The following ARHGAP15 variants were observed in gnomAD, a reference collection of about 807,000 sequenced individuals.
The protein encoded by ARHGAP15 is rho GTPase-activating protein 15.
In ARHGAP15, 51 loss-of-function variants were observed where a neutral mutation model predicts 63.7. That is an observed-to-expected ratio of 0.80 (90% confidence interval 0.64 to 1.01). ARHGAP15 has a LOEUF of 1.01. ARHGAP15 is among the 50% of genes least tolerant of loss of function. ARHGAP15 has a pLI of 0.00. For missense variants in ARHGAP15, 560 were observed against 564.6 expected, an observed-to-expected ratio of 0.99 and a Z score of 0.08; for synonymous variants, 191 against 193.8, an observed-to-expected ratio of 0.99 and a Z score of 0.12.
At chr2:143,467,579 C>T (rs903423992) in intron 8 of ARHGAP15, among the ~76,000 whole-genome samples, 6 of 151,840 alleles carry the variant, frequency 4.0e-5, no homozygotes, top group Non-Finnish European at 8.8e-5. Flanking sequence ...ACCCAGGTAC[C>T]CAAAACTATT....
chr2:143,746,652 C>T (rs1324667977), intron 13 of ARHGAP15, among the ~76,000 whole-genome samples: 2 of 152,188 alleles, frequency 1.3e-5, no homozygotes, highest in African/African-American at 4.8e-5. Flanking sequence ...CTGAAGGTAA[C>T]ATATCACCTA....
rs1681969792 is a variant in ARHGAP15, at chr2:143,283,786, GGTCTGTCTT to G, written c.474+33192_474+33200del. 2.0e-5 allele frequency among the ~76,000 whole-genome samples: 3 copies of G among 152,010 alleles called. No individual in the cohort carries two copies. The South Asian group carries it at 6.2e-4, about 32-fold the overall frequency. On this transcript the variant is annotated intron_variant, in intron 6 of 13. Coordinates refer to ENST00000295095, the MANE Select transcript of ARHGAP15 (RefSeq NM_018460.4). ...TCTTCAAACTTTGTCTTTCTATCCA[GGTCTGTCTT>G]GTCTGCCTGAATTGTAACTGTGAAT...
chr2:143,721,944 C>T (rs910828564), intron 13 of ARHGAP15, among the ~76,000 whole-genome samples: 3 of 152,196 alleles, frequency 2.0e-5, no homozygotes, highest in African/African-American at 4.8e-5. Context: ...GCCTCGGCCT[C>T]GGCCTCCCAA....
chr2:143,214,917 A>C (rs1692690395), intron 3 of ARHGAP15, among the ~76,000 whole-genome samples: 1 of 152,182 alleles, frequency 6.6e-6, no homozygotes, highest in Non-Finnish European at 1.5e-5. Flanking sequence ...ATTGAAGATA[A>C]ATTTCTTGGC....
chr2:143,457,052 A>G (rs923692067), intron 8 of ARHGAP15, among the ~76,000 whole-genome samples: 5 of 152,146 alleles, frequency 3.3e-5, no homozygotes, highest in Admixed American at 6.6e-5. Context: ...TTTTACAATT[A>G]GTGTGATTAT....
At chr2:143,385,125 G>T (rs1687222477) in intron 6 of ARHGAP15, among the ~76,000 whole-genome samples, 1 of 151,940 alleles carries the variant, frequency 6.6e-6, no homozygotes, top group Non-Finnish European at 1.5e-5. Flanking sequence ...AAACCACAGT[G>T]AGGGAATAGA....
intron 6 of ARHGAP15, among the ~76,000 whole-genome samples, chr2:143,267,898 T>C (rs957274057): frequency 2.6e-5 from 4 of 152,118 alleles, no homozygotes; most frequent in Admixed American, 2.0e-4. Context: ...CATGTGGGCA[T>C]GTATACTAAA....
At chr2:143,183,149 C>T (rs1305713018) in intron 2 of ARHGAP15, among the ~76,000 whole-genome samples, 1 of 152,176 alleles carries the variant, frequency 6.6e-6, no homozygotes, top group Non-Finnish European at 1.5e-5. Context: ...AATATGTATT[C>T]TCTCAAGATA....
At chr2:143,661,722 G>A (rs548869654) in intron 12 of ARHGAP15, among the ~76,000 whole-genome samples, 230 of 152,340 alleles carry the variant, frequency 1.5e-3, no homozygotes, top group Non-Finnish European at 2.0e-3. Context: ...TGCGCACACC[G>A]TGCGTGAGCC....
At chr2:143,525,889 T>G (rs556475577) in intron 10 of ARHGAP15, among the ~76,000 whole-genome samples, 2 of 152,266 alleles carry the variant, frequency 1.3e-5, no homozygotes, top group East Asian at 3.9e-4. Flanking sequence ...GGGGAAAAGC[T>G]GCATTTTGCA....
At chr2:143,232,487 T>C (rs1693485363) in intron 5 of ARHGAP15, among the ~76,000 whole-genome samples, 2 of 152,234 alleles carry the variant, frequency 1.3e-5, no homozygotes, top group South Asian at 2.1e-4. Flanking sequence ...ATATTTTTAA[T>C]GTATTTTTAT....
intron 12 of ARHGAP15, among the ~76,000 whole-genome samples, chr2:143,672,126 A>G (rs1204129574): frequency 1.3e-5 from 2 of 152,232 alleles, no homozygotes; most frequent in Non-Finnish European, 2.9e-5. Context: ...TTTTACCTAC[A>G]TAAAGGTAGA....
intron 11 of ARHGAP15, among the ~76,000 whole-genome samples, chr2:143,574,717 C>G (rs1025639582): frequency 2.0e-5 from 3 of 152,050 alleles, no homozygotes; most frequent in African/African-American, 7.2e-5. Context: ...CTTGGCCATG[C>G]CCCCATTAGC....
intron 12 of ARHGAP15, among the ~76,000 whole-genome samples, chr2:143,683,829 A>G (rs1683208608): frequency 1.3e-5 from 2 of 152,188 alleles, no homozygotes; most frequent in Admixed American, 6.6e-5. Flanking sequence ...TTTGTTTTTC[A>G]TTAACTAAAA....
chr2:143,492,786 G>A (rs1692642042), intron 9 of ARHGAP15, among the ~76,000 whole-genome samples: 1 of 150,792 alleles, frequency 6.6e-6, no homozygotes, highest in Non-Finnish European at 1.5e-5. Context: ...TCCGGGCGTG[G>A]TGGCTCACGC....
At chr2:143,698,100 C>T (rs1412721623) in intron 12 of ARHGAP15, among the ~76,000 whole-genome samples, 1 of 152,092 alleles carries the variant, frequency 6.6e-6, no homozygotes, top group Admixed American at 6.6e-5. Context: ...ATATTACTCC[C>T]TATACATTGA....
At position 143,500,596 on chromosome 2, in the gene ARHGAP15, C is replaced by G. The variant is rs190572159; in HGVS notation, c.826+13101C>G. Among the ~76,000 whole-genome samples, 276 of 152,224 alleles carry G rather than the reference C, an allele frequency of 1.8e-3. 1 individual carries two copies. Among genetic ancestry groups the G allele is most frequent in the Non-Finnish European group, 3.1e-3 (212 of 68,002 alleles). Reference sequence around the variant, plus strand: ...TAAAACAAAATAAGCCACAAATATCCTGGTCAATGTTTACAAGAAAATGTG... The same window carrying G: ...TAAAACAAAATAAGCCACAAATATCGTGGTCAATGTTTACAAGAAAATGTG... On this transcript the variant is annotated intron_variant, in intron 9 of 13. Coordinates refer to ENST00000295095, the MANE Select transcript of ARHGAP15 (RefSeq NM_018460.4).
intron 11 of ARHGAP15, among the ~76,000 whole-genome samples, chr2:143,557,871 G>C (rs1695873250): frequency 6.6e-6 from 1 of 152,098 alleles, no homozygotes; most frequent in Admixed American, 6.6e-5. Context: ...TGGTGTTATA[G>C]ACAGCTCATA....
At chr2:143,185,790 G>A (rs999227112) in intron 2 of ARHGAP15, among the ~76,000 whole-genome samples, 1 of 152,088 alleles carries the variant, frequency 6.6e-6, no homozygotes, top group Admixed American at 6.6e-5. Context: ...ATGATGTTTT[G>A]TAGCATAAAG....
Sources: gnomAD v4.1 joint callset for allele counts (sites outside exome capture counted in the v4.1 genomes callset) on GRCh38, gnomAD v4.1.1 for gene constraint, MANE v1.5 for transcripts, NCBI Gene and HGNC (gene_info 2026-07-23, HGNC 2026-07-21) for gene names.